Variants in SBF2 observed in about 807,000 individuals in gnomAD.
The protein encoded by SBF2 is myotubularin-related protein 13.
A neutral mutation model predicts 225.2 loss-of-function variants in SBF2; 112 were observed. The observed-to-expected ratio is 0.50, with a 90% CI of 0.43 to 0.58. SBF2 has a LOEUF of 0.58. SBF2 is among the 20% of genes least tolerant of loss of function. The pLI, the probability that SBF2 is intolerant of heterozygous loss-of-function variation, is 0.00. For missense variants in SBF2, 1,996 were observed against 2,206.2 expected, an observed-to-expected ratio of 0.90 and a Z score of 1.91; for synonymous variants, 763 against 773.3, an observed-to-expected ratio of 0.99 and a Z score of 0.22.
intron 16 of SBF2, among the ~76,000 whole-genome samples, chr11:9,902,808 C>T (rs10840321): frequency 0.59 from 90,254 of 151,958 alleles, 27,221 homozygotes; most frequent in African/African-American, 0.66. Flanking sequence ...GTAGCATAGA[C>T]TTTCTAAGGG....
intron 1 of SBF2, among the ~76,000 whole-genome samples, chr11:10,283,598 T>C (rs1233350334): frequency 1.3e-5 from 2 of 150,822 alleles, no homozygotes; most frequent in African/African-American, 4.9e-5. Flanking sequence ...GATACATGAA[T>C]TATAAATGTA....
intron 2 of SBF2, among the ~76,000 whole-genome samples, chr11:10,079,160 C>A (rs1414691388): frequency 6.6e-6 from 1 of 152,052 alleles, no homozygotes; most frequent in African/African-American, 2.4e-5. Flanking sequence ...TAAAAAAACA[C>A]AAGATGCTAT....
At chr11:9,849,042 C>A (rs1351020362) in intron 22 of SBF2, among the ~76,000 whole-genome samples, 8 of 152,238 alleles carry the variant, frequency 5.3e-5, no homozygotes, top group African/African-American at 1.9e-4. Context: ...GAGAAAGGCA[C>A]TTTCGTGACC....
chr11:10,023,544 C>A (rs754648685), intron 6 of SBF2, among the ~76,000 whole-genome samples: 1 of 152,306 alleles, frequency 6.6e-6, no homozygotes, highest in South Asian at 2.1e-4. Context: ...CCCTATCCCT[C>A]GAGCCCCTTA....
intron 2 of SBF2, among the ~76,000 whole-genome samples, chr11:10,165,380 T>C (rs1340048912): frequency 1.3e-5 from 2 of 152,202 alleles, no homozygotes; most frequent in Non-Finnish European, 2.9e-5. Context: ...CATGCTTTCA[T>C]GCCCTAATAG....
chr11:9,880,256 C>A (rs1480430161), intron 17 of SBF2, among the ~76,000 whole-genome samples: 1 of 152,136 alleles, frequency 6.6e-6, no homozygotes, highest in Non-Finnish European at 1.5e-5. Context: ...TTAACTATAT[C>A]TGGCTGAGTA....
intron 2 of SBF2, among the ~76,000 whole-genome samples, chr11:10,074,627 T>A (rs1363895787): frequency 6.6e-6 from 1 of 152,182 alleles, no homozygotes; most frequent in Non-Finnish European, 1.5e-5. Context: ...TTAAAAAATA[T>A]TTGCACTGAA....
At chr11:9,905,626 A>C (rs1445107049) in intron 16 of SBF2, among the ~76,000 whole-genome samples, 1 of 152,240 alleles carries the variant, frequency 6.6e-6, no homozygotes, top group African/African-American at 2.4e-5. Flanking sequence ...ATTAGAGGAC[A>C]ATGATGTTCT....
intron 35 of SBF2, among the ~76,000 whole-genome samples, chr11:9,788,760 A>AT (rs1179353979): frequency 4.1e-5 from 5 of 122,098 alleles, no homozygotes; most frequent in Admixed American, 8.0e-5. Flanking sequence ...ACGCCCGGCT[A>AT]ATTTTTTTTT....
At chr11:9,842,407 T>C (rs12791635) in intron 25 of SBF2, among the ~76,000 whole-genome samples, 1 of 152,216 alleles carries the variant, frequency 6.6e-6, no homozygotes, top group African/African-American at 2.4e-5. Flanking sequence ...ATTAGCTGTA[T>C]GAATTTAGTA....
Position 10,294,159 on chromosome 11 carries a change from T to G in SBF2, c.-90A>C. On this transcript the variant is annotated 5_prime_UTR_variant, in exon 1 of 40. Coordinates refer to ENST00000256190, the MANE Select transcript of SBF2 (RefSeq NM_030962.4). ...GCCCGGGAGGGCTCAGCATTTTCCCTGCAGCGGCAGTAGCGGCAGCGGCAG... is the reference window on the plus strand; with the variant it reads ...GCCCGGGAGGGCTCAGCATTTTCCCGGCAGCGGCAGTAGCGGCAGCGGCAG... The G allele has an allele frequency of 9.9e-7, 1 of 1,005,114 alleles. No individual in the cohort carries two copies. Among genetic ancestry groups the G allele is most frequent in the Non-Finnish European group, 1.3e-6 (1 of 772,868 alleles). The allele number at this position is 1,005,114 out of a possible 1,614,324, so 62.3% of individuals were successfully genotyped here.
intron 2 of SBF2, among the ~76,000 whole-genome samples, chr11:10,069,643 A>G (rs1464560248): frequency 6.6e-6 from 1 of 152,182 alleles, no homozygotes; most frequent in Non-Finnish European, 1.5e-5. Context: ...TCTTTATATT[A>G]GAATGATTGA....
intron 17 of SBF2, among the ~76,000 whole-genome samples, chr11:9,886,904 T>G (rs1257144773): frequency 6.6e-6 from 1 of 152,194 alleles, no homozygotes; most frequent in African/African-American, 2.4e-5. Context: ...TGCTATAATT[T>G]GTTTGACTAA....
At chr11:9,930,676 G>A (rs180919268) in intron 16 of SBF2, among the ~76,000 whole-genome samples, 2 of 152,336 alleles carry the variant, frequency 1.3e-5, no homozygotes, top group African/African-American at 4.8e-5. Flanking sequence ...AGCTCCCAGC[G>A]TGATCGATGC....
At chr11:9,858,903 C>G (rs1451618546) in intron 17 of SBF2, among the ~76,000 whole-genome samples, 1 of 152,142 alleles carries the variant, frequency 6.6e-6, no homozygotes, top group African/African-American at 2.4e-5. Flanking sequence ...ACTTTTCCTA[C>G]TGCTCATTCC....
intron 13 of SBF2, among the ~76,000 whole-genome samples, chr11:9,981,185 G>A (rs933315817): frequency 1.3e-5 from 2 of 152,188 alleles, no homozygotes; most frequent in African/African-American, 2.4e-5. Flanking sequence ...CCTGTTGTGA[G>A]TCAAGATACT....
chr11:10,291,624 C>A (rs1012483038), intron 1 of SBF2, among the ~76,000 whole-genome samples: 2 of 151,042 alleles, frequency 1.3e-5, no homozygotes, highest in Non-Finnish European at 2.9e-5. Flanking sequence ...TCCGAATAGA[C>A]TAAGGCAAAT....
chr11:10,090,622 G>A (rs1472640749), intron 2 of SBF2, among the ~76,000 whole-genome samples: 3 of 151,738 alleles, frequency 2.0e-5, no homozygotes, highest in Non-Finnish European at 2.9e-5. Context: ...AAAATTAGCC[G>A]GGTGTGGTCA....
intron 20 of SBF2, among the ~76,000 whole-genome samples, chr11:9,853,335 T>C (rs1857094213): frequency 6.6e-6 from 1 of 152,236 alleles, no homozygotes; most frequent in Non-Finnish European, 1.5e-5. Context: ...ACATTGTAGA[T>C]GTAATTAATG....
Sources: allele counts gnomAD v4.1 joint callset (sites outside exome capture counted in the v4.1 genomes callset), GRCh38; gene constraint gnomAD v4.1.1; transcripts MANE v1.5; gene names NCBI Gene and HGNC (gene_info 2026-07-23, HGNC 2026-07-21).